The following OR2L13 variants were observed in gnomAD, a reference collection of about 807,000 sequenced individuals.
OR2L13 encodes the protein olfactory receptor 2L13.
A neutral mutation model predicts 15.3 loss-of-function variants in OR2L13; 14 were observed. The observed-to-expected ratio is 0.91, with a 90% CI of 0.60 to 1.43. The LOEUF (loss-of-function observed/expected upper bound fraction) is 1.43. Ranked by LOEUF, OR2L13 falls within the 40% of genes most tolerant of loss-of-function variation. The pLI is 0.00. For missense variants in OR2L13, 367 were observed against 387.9 expected, an observed-to-expected ratio of 0.95 and a Z score of 0.45; for synonymous variants, 152 against 142.9, an observed-to-expected ratio of 1.06 and a Z score of -0.45.
At chr1:247,978,185 G>A in the OR2L13 span, among the ~76,000 whole-genome samples, 15 of 152,134 alleles carry the variant, frequency 9.9e-5, no homozygotes, top group Admixed American at 9.8e-4. Context: ...AGCAATCACC[G>A]CGAGGGTCCC....
the OR2L13 span, among the ~76,000 whole-genome samples, chr1:248,037,426 G>T: frequency 6.6e-6 from 1 of 152,046 alleles, no homozygotes; most frequent in Non-Finnish European, 1.5e-5. Context: ...CTTCCCATGC[G>T]TATGTTTTAA....
the OR2L13 span, chr1:248,038,738 T>G: frequency 1.3e-5 from 21 of 1,614,046 alleles, no homozygotes; most frequent in Non-Finnish European, 1.8e-5. Context: ...ACTCTTGTGC[T>G]CACACAGTAT....
the OR2L13 span, among the ~76,000 whole-genome samples, chr1:247,983,076 G>A: frequency 1.3e-5 from 2 of 152,200 alleles, no homozygotes; most frequent in South Asian, 2.1e-4. Flanking sequence ...ACTTATATGT[G>A]TATGTGTTTG....
At chr1:248,054,535 A>G in the OR2L13 span, among the ~76,000 whole-genome samples, 1 of 151,764 alleles carries the variant, frequency 6.6e-6, no homozygotes, top group Non-Finnish European at 1.5e-5. Context: ...TTTGGGCGGT[A>G]TGGCCATTTT....
At chr1:248,002,487 A>C in the OR2L13 span, among the ~76,000 whole-genome samples, 1 of 151,762 alleles carries the variant, frequency 6.6e-6, no homozygotes, top group South Asian at 2.1e-4. Context: ...TCTTTCTGTG[A>C]CAGGCTTATT....
the OR2L13 span, among the ~76,000 whole-genome samples, chr1:247,999,874 C>A: frequency 2.0e-5 from 3 of 152,090 alleles, no homozygotes. Flanking sequence ...TCCTGTTTTA[C>A]CATTTTCCAG....
chr1:248,022,140 C>A, the OR2L13 span: 1 of 1,613,954 alleles, frequency 6.2e-7, no homozygotes, highest in Non-Finnish European at 8.5e-7. Flanking sequence ...GCTTAGTCAG[C>A]TCTCCCTCAT....
At chr1:247,955,165 T>A in the OR2L13 span, among the ~76,000 whole-genome samples, 1 of 151,936 alleles carries the variant, frequency 6.6e-6, no homozygotes, top group Non-Finnish European at 1.5e-5. Flanking sequence ...GTTCCCATTG[T>A]TCAATTCCCA....
chr1:248,032,686 T>A, the OR2L13 span, among the ~76,000 whole-genome samples: 2 of 152,234 alleles, frequency 1.3e-5, no homozygotes, highest in African/African-American at 4.8e-5. Context: ...TCAAAATTTC[T>A]TTCATTTTAA....
chr1:248,033,114 C>G, the OR2L13 span, among the ~76,000 whole-genome samples: 2 of 152,122 alleles, frequency 1.3e-5, no homozygotes, highest in Non-Finnish European at 2.9e-5. Context: ...ATGGGTTTAT[C>G]AGGATGAAAC....
chr1:247,982,718 G>C, the OR2L13 span, among the ~76,000 whole-genome samples: 1 of 152,120 alleles, frequency 6.6e-6, no homozygotes, highest in South Asian at 2.1e-4. Context: ...AAAATGTATG[G>C]TTGTTGCTGG....
At chr1:248,002,702 C>T in the OR2L13 span, among the ~76,000 whole-genome samples, 13 of 152,022 alleles carry the variant, frequency 8.6e-5, no homozygotes, top group Non-Finnish European at 1.6e-4. Flanking sequence ...ACCAAAAATA[C>T]AAGAATTTAG....
the OR2L13 span, among the ~76,000 whole-genome samples, chr1:248,001,176 T>C: frequency 6.6e-6 from 1 of 152,150 alleles, no homozygotes; most frequent in Non-Finnish European, 1.5e-5. Context: ...GAATCTCAGT[T>C]TCATCATCTA....
At chr1:248,001,467 G>A in the OR2L13 span, among the ~76,000 whole-genome samples, 2 of 151,532 alleles carry the variant, frequency 1.3e-5, no homozygotes, top group Non-Finnish European at 2.9e-5. Flanking sequence ...TGAAAAGAAA[G>A]TAAAAGCAAG....
chr1:248,073,174 C>T, the OR2L13 span, among the ~76,000 whole-genome samples: 1 of 152,154 alleles, frequency 6.6e-6, no homozygotes, highest in South Asian at 2.1e-4. Context: ...GACACATGCA[C>T]ACGTATGTTT....
chr1:247,994,192 C>T, the OR2L13 span, among the ~76,000 whole-genome samples: 1 of 152,030 alleles, frequency 6.6e-6, no homozygotes, highest in African/African-American at 2.4e-5. Flanking sequence ...GTCAGGAGAT[C>T]GAGACCATCC....
At chr1:247,967,760 A>G in the OR2L13 span, among the ~76,000 whole-genome samples, 1 of 150,384 alleles carries the variant, frequency 6.6e-6, no homozygotes, top group African/African-American at 2.5e-5. Context: ...CTCTTTATAT[A>G]TTATTTTTGA....
At chr1:248,005,638 A>C in the OR2L13 span, among the ~76,000 whole-genome samples, 1 of 152,136 alleles carries the variant, frequency 6.6e-6, no homozygotes, top group South Asian at 2.1e-4. Flanking sequence ...TGGTTATTTA[A>C]ATAATATTAA....
chr1:248,014,396 T>G, the OR2L13 span, among the ~76,000 whole-genome samples: 2 of 152,168 alleles, frequency 1.3e-5, no homozygotes, highest in Admixed American at 1.3e-4. Flanking sequence ...GTAGCTATGC[T>G]ATGGGTATCC....
Sources: allele counts gnomAD v4.1 joint callset (sites outside exome capture counted in the v4.1 genomes callset), GRCh38; gene constraint gnomAD v4.1.1; transcripts MANE v1.5; gene names NCBI Gene and HGNC (gene_info 2026-07-23, HGNC 2026-07-21).